TAF1: variants seen among roughly 807,000 people sequenced by gnomAD.
The protein encoded by TAF1 is transcription initiation factor TFIID subunit 1.
TAF1 carries 2 observed loss-of-function variants against 138.5 expected under a neutral mutation model. The ratio of observed to expected loss-of-function variants is 0.01; its 90% CI spans 0.01 to 0.05. The LOEUF is 0.05. Among genes scored for constraint, TAF1 ranks in the 10% least tolerant of loss-of-function variants. The pLI, the probability that TAF1 is intolerant of heterozygous loss-of-function variation, is 1.00. For synonymous variants in TAF1, 437 were observed against 503.2 expected, an observed-to-expected ratio of 0.87 and a Z score of 1.76; for missense variants, 709 against 1,478.0, an observed-to-expected ratio of 0.48 and a Z score of 8.53.
rs1186228023 is a variant in TAF1 at position 71,440,607 on chromosome X, CACTT to C, written c.4754-13560_4754-13557del. 2.7e-5 allele frequency among the ~76,000 whole-genome samples: 3 copies of C among 109,379 alleles called. No homozygotes were observed. The East Asian group carries it at 8.6e-4, about 31-fold the overall frequency. 95.0% of individuals were successfully genotyped at this position (109,379 alleles called of 115,157 possible). On this transcript the variant is annotated intron_variant, in intron 32 of 37. Coordinates refer to ENST00000423759, the MANE Select transcript of TAF1 (RefSeq NM_004606.5). The stretch of plus-strand genomic sequence containing the variant: ...TGAACGTGAAAACCCAATGTCGTCA[CACTT>C]ACGTCATCATAAGCTTATGAACTAC...
At chrX:71,408,886 C>T (rs941711855) in intron 28 of TAF1, among the ~76,000 whole-genome samples, 1 of 109,137 alleles carries the variant, frequency 9.2e-6, no homozygotes, top group African/African-American at 3.3e-5. Context: ...TAGTGGCGGG[C>T]GCCTGTAGTC....
At chrX:71,386,934 G>A (rs981877951) in intron 14 of TAF1, among the ~76,000 whole-genome samples, 1 of 112,417 alleles carries the variant, frequency 8.9e-6, no homozygotes, top group African/African-American at 3.2e-5. Context: ...GCATTTTTAA[G>A]TATCTCTGTT....
intron 14 of TAF1, among the ~76,000 whole-genome samples, chrX:71,386,013 T>C (rs1462372976): frequency 9.1e-6 from 1 of 110,358 alleles, no homozygotes; most frequent in Non-Finnish European, 1.9e-5. Context: ...AATACAAAAT[T>C]AGCCGGGCAT....
At chrX:71,394,006 T>C in intron 21 of TAF1, 61 bp from the exon 22 acceptor site, 1 of 1,089,241 alleles carries the variant, frequency 9.2e-7, no homozygotes, top group Non-Finnish European at 1.2e-6. Flanking sequence ...CCCAATTTTT[T>C]ACTTTTGCCT....
intron 18 of TAF1, among the ~76,000 whole-genome samples, chrX:71,392,164 C>G (rs763925202): frequency 5.4e-5 from 6 of 111,868 alleles, no homozygotes; most frequent in Non-Finnish European, 1.1e-4. Context: ...TCTAAAACAG[C>G]TGTTTGAGCA....
chrX:71,424,317 AT>A (rs1423037791), intron 32 of TAF1, 79 bp downstream of exon 32: 180 of 908,358 alleles, frequency 2.0e-4, no homozygotes, highest in East Asian at 3.0e-4. Context: ...TTATTAAAAA[AT>A]TTTTTTTTGA....
intron 13 of TAF1, among the ~76,000 whole-genome samples, chrX:71,515,035 A>G (rs2039801976): frequency 9.0e-6 from 1 of 111,713 alleles, no homozygotes; most frequent in Non-Finnish European, 1.9e-5. Flanking sequence ...AGAGCCACTG[A>G]GGGGTTTTAA....
At chrX:71,470,071 C>T (rs1271577550), downstream of TAF1, among the ~76,000 whole-genome samples, 1 of 111,670 alleles carries the variant, frequency 9.0e-6, no homozygotes, top group Non-Finnish European at 1.9e-5. Flanking sequence ...AAATTATATA[C>T]ATTATATACA....
chrX:71,427,258 ATG>A (rs1298467832), intron 32 of TAF1, among the ~76,000 whole-genome samples: 3 of 112,309 alleles, frequency 2.7e-5, no homozygotes, highest in Non-Finnish European at 5.6e-5. Flanking sequence ...GGTTGAAAGA[ATG>A]TACTTTCTCA....
chrX:71,415,053 A>G (rs2035968567), intron 28 of TAF1, among the ~76,000 whole-genome samples: 1 of 81,745 alleles, frequency 1.2e-5, no homozygotes, highest in African/African-American at 4.4e-5. Context: ...AGAAATGGTT[A>G]AGAGTCTGGG....
At chrX:71,386,319 C>T (rs1378946979) in intron 14 of TAF1, among the ~76,000 whole-genome samples, 1 of 111,918 alleles carries the variant, frequency 8.9e-6, no homozygotes, top group East Asian at 2.8e-4. Context: ...ACTCAGGCTT[C>T]TTGTGACAGT....
intron 34 of TAF1, chrX:71,455,099 AGGCAGTGTTTG>A: frequency 9.0e-7 from 1 of 1,105,134 alleles, no homozygotes; most frequent in Non-Finnish European, 1.2e-6. Flanking sequence ...TTAGTTGTTT[AGGCAGTGTTTG>A]GGAATATCAG....
chrX:71,384,194 A>G, intron 13 of TAF1, 59 bp downstream of exon 13: 1 of 1,149,130 alleles, frequency 8.7e-7, no homozygotes. Flanking sequence ...GCTTCCATAA[A>G]CTTTTATGTA....
chrX:71,454,010 G>A (rs917071324), intron 32 of TAF1, among the ~76,000 whole-genome samples, 160 bp from the exon 33 acceptor site: 15 of 112,113 alleles, frequency 1.3e-4, no homozygotes, highest in Admixed American at 1.9e-4. Flanking sequence ...TATTGCATAT[G>A]TTTGGAATTT....
At chrX:71,426,947 T>C (rs946926610) in intron 32 of TAF1, among the ~76,000 whole-genome samples, 1 of 112,021 alleles carries the variant, frequency 8.9e-6, no homozygotes, top group Admixed American at 9.5e-5. Flanking sequence ...GAGAGAATTA[T>C]CTGGCGTACT....
chrX:71,430,468 G>A (rs2036830835), intron 32 of TAF1, among the ~76,000 whole-genome samples: 1 of 110,706 alleles, frequency 9.0e-6, no homozygotes, highest in African/African-American at 3.3e-5. Context: ...TAACAAATTA[G>A]GTGTATCTGT....
intron 13 of TAF1, among the ~76,000 whole-genome samples, chrX:71,472,442 A>T (rs1440832974): frequency 1.8e-5 from 2 of 111,908 alleles, no homozygotes; most frequent in African/African-American, 6.5e-5. Context: ...GTTCTTTGAA[A>T]TTGTTATTGG....
rs1254774900 is a variant in TAF1, at chrX:71,443,591, A to C, written c.4754-10579A>C. Reference sequence around the variant, plus strand: ...AGATGATGGGGTTTTCTAGATATACAATCATGTCATCTGCAAACAGGAACA... The same window carrying C: ...AGATGATGGGGTTTTCTAGATATACCATCATGTCATCTGCAAACAGGAACA... On this transcript the variant is annotated intron_variant, in intron 32 of 37. Transcript: ENST00000423759. Among the ~76,000 whole-genome samples the C allele has an allele frequency of 5.3e-5, 6 of 112,202 alleles. No homozygotes were observed. The East Asian group carries it at 1.4e-3, about 26-fold the overall frequency.
At chrX:71,520,214 G>T (rs1486598999) in intron 13 of TAF1, among the ~76,000 whole-genome samples, 1 of 105,458 alleles carries the variant, frequency 9.5e-6, no homozygotes, top group Non-Finnish European at 1.9e-5. Flanking sequence ...TGTGATCTCG[G>T]CTCACTGCAA....
Sources: gnomAD v4.1 joint callset for allele counts (sites outside exome capture counted in the v4.1 genomes callset) on GRCh38, gnomAD v4.1.1 for gene constraint, MANE v1.5 for transcripts, NCBI Gene and HGNC (gene_info 2026-07-23, HGNC 2026-07-21) for gene names.